Variants in APCDD1L observed in about 807,000 individuals in gnomAD.
APCDD1L encodes APC down-regulated 1 like.
Under a neutral mutation model 24.2 loss-of-function variants are expected in APCDD1L, and 21 were observed. The observed-to-expected ratio is 0.87, with a 90% CI of 0.61 to 1.25. APCDD1L has a LOEUF of 1.25. APCDD1L is among the 50% of genes most tolerant of loss of function. The probability of loss-of-function intolerance (pLI) is 0.00; values close to 1 mark genes in which losing one functional copy is unlikely to be tolerated. For missense variants in APCDD1L, 704 were observed against 711.7 expected, an observed-to-expected ratio of 0.99 and a Z score of 0.12; for synonymous variants, 321 against 323.6, an observed-to-expected ratio of 0.99 and a Z score of 0.09.
chr20:58,470,575 AG>A, intron 2 of APCDD1L, 33 bp downstream of exon 2: 5 of 1,562,750 alleles, frequency 3.2e-6, no homozygotes, highest in African/African-American at 1.3e-5. Context: ...CTCCCAGTCC[AG>A]GGGTCCATGG....
chr20:58,467,515 C>G lies in APCDD1L; in HGVS notation c.332G>C (p.Arg111Pro), dbSNP rs138109833. ...AHSLLVKGKV[R>P]LRRASWVTRG... ...GGTGACCCAGGAGGCCCGGCGCAGG[C>G]GGACTTTGCCCTTGACGAGCAGCGA... is the stretch of plus-strand genomic sequence containing the variant. The change falls in exon 3 of 4, where the codon CGC becomes CCC. Residue 111 changes from arginine to proline, a missense_variant. Physicochemically the swap from Arg to Pro is moderately radical, Grantham distance 103 (BLOSUM62 -2). Coordinates refer to ENST00000371149, the MANE Select transcript of APCDD1L (RefSeq NM_153360.3). The surrounding 1 kb of genome is among the most constrained non-coding windows in gnomAD (Gnocchi z 5.9). 2.4e-5 allele frequency: 39 copies of G among 1,599,006 alleles called. No individual in the cohort carries two copies. The highest frequency in any genetic ancestry group is 3.2e-5 in the Non-Finnish European group (38 of 1,172,812).
chr20:58,480,234 G>A (rs140004548), intron 1 of APCDD1L, among the ~76,000 whole-genome samples: 286 of 152,246 alleles, frequency 1.9e-3, no homozygotes, highest in African/African-American at 6.6e-3. Flanking sequence ...TCCACCCGCC[G>A]CAGCCTTCAG....
At position 58,467,101 on chromosome 20, in the gene APCDD1L, C is replaced by CAG. The variant is rs1568734895; in HGVS notation, c.741+4_741+5insCT. ...CCTCTCCCACACCCCAACACACACA[C>CAG]TCACCAGTGCGCTCTGCAGCGGGCG... On this transcript the variant is annotated splice_donor_region_variant and intron_variant, in intron 3 of 3. Coordinates refer to ENST00000371149, the MANE Select transcript of APCDD1L (RefSeq NM_153360.3). This position sits in a 1 kb window ranked among gnomAD's most constrained non-coding sequence, Gnocchi z 5.9. 1 of 1,597,434 alleles carries CAG rather than the reference C, an allele frequency of 6.3e-7. No homozygotes were observed. Among genetic ancestry groups the CAG allele is most frequent in the East Asian group, 2.3e-5 (1 of 43,510 alleles).
chr20:58,513,154 C>T (rs573192840), intron 1 of APCDD1L, among the ~76,000 whole-genome samples: 9 of 152,302 alleles, frequency 5.9e-5, no homozygotes, highest in South Asian at 2.1e-4. Context: ...CTGGGTGCAA[C>T]GGCCTGGAGG....
intron 1 of APCDD1L, among the ~76,000 whole-genome samples, chr20:58,495,318 G>C (rs1990300669): frequency 6.6e-6 from 1 of 152,250 alleles, no homozygotes. Flanking sequence ...GTTAAGGCCA[G>C]TGTGGGGCCC....
At chr20:58,480,523 G>T (rs1037758156) in intron 1 of APCDD1L, among the ~76,000 whole-genome samples, 8 of 152,310 alleles carry the variant, frequency 5.3e-5, no homozygotes, top group Middle Eastern at 3.4e-3. Flanking sequence ...TGGAGAAGGT[G>T]ACTGCTTCAT....
intron 1 of APCDD1L, among the ~76,000 whole-genome samples, chr20:58,509,032 A>C (rs549436231): frequency 2.0e-5 from 3 of 151,752 alleles, no homozygotes; most frequent in Non-Finnish European, 4.4e-5. Context: ...TCAACGAGTC[A>C]ATTTTAGCCT....
chr20:58,477,588 T>C (rs747877573), intron 1 of APCDD1L, among the ~76,000 whole-genome samples: 11 of 152,238 alleles, frequency 7.2e-5, no homozygotes, highest in Non-Finnish European at 1.5e-4. Context: ...TTCTCCACTA[T>C]TAAATTACTA....
intron 1 of APCDD1L, among the ~76,000 whole-genome samples, chr20:58,477,971 TC>T (rs1989944058): frequency 6.6e-6 from 1 of 152,218 alleles, no homozygotes; most frequent in African/African-American, 2.4e-5. Context: ...CTGTCCCTTC[TC>T]TCCCATTTAT....
In APCDD1L at chr20:58,501,165, C is replaced by G. The variant is rs530801302; in HGVS notation, c.49+13494G>C. Among the ~76,000 whole-genome samples, 275 of 152,268 alleles carry G rather than the reference C, an allele frequency of 1.8e-3. 2 individuals are homozygous for G. Among genetic ancestry groups the G allele is most frequent in the Admixed American group, 5.4e-3 (82 of 15,286 alleles). On this transcript the variant is annotated intron_variant, in intron 1 of 3. Coordinates refer to ENST00000371149, the MANE Select transcript of APCDD1L (RefSeq NM_153360.3). ...ATTCCCTTGAATGATTATGATGGAC[C>G]AGATAGTCTACAGTGTCTACCTTTA...
In APCDD1L at chr20:58,467,421, C is replaced by T. The variant is rs1237533231; in HGVS notation, c.426G>A (p.Leu142=). The stretch of plus-strand genomic sequence containing the variant: ...GGTTGAGGCGCCCGGTGACGTCGAC[C>T]AGGGCCCGGCGGCTGTGGAAGACGA... The part of the protein sequence containing the change: ...VGIVFHSRRA[L]VDVTGRLNQT... Residue 142 remains leucine (L), a synonymous_variant, in exon 3 of 4, where the codon CTG becomes CTA. Coordinates refer to ENST00000371149, the MANE Select transcript of APCDD1L (RefSeq NM_153360.3). This position sits in a 1 kb window ranked among gnomAD's most constrained non-coding sequence, Gnocchi z 5.9. 3 of 1,559,064 alleles carry T rather than the reference C, an allele frequency of 1.9e-6. No homozygotes were observed. Among genetic ancestry groups the T allele is most frequent in the Non-Finnish European group, 2.6e-6 (3 of 1,154,990 alleles).
At chr20:58,509,019 G>GTGT (rs1568755369) in intron 1 of APCDD1L, among the ~76,000 whole-genome samples, 1 of 129,598 alleles carries the variant, frequency 7.7e-6, no homozygotes, top group Non-Finnish European at 1.7e-5. Flanking sequence ...TGTGTGTGTG[G>GTGT]AGTCAACGAG....
intron 1 of APCDD1L, among the ~76,000 whole-genome samples, chr20:58,478,338 T>C (rs1428108969): frequency 6.6e-6 from 1 of 151,838 alleles, no homozygotes; most frequent in Non-Finnish European, 1.5e-5. Flanking sequence ...GCTGTCACTT[T>C]AGGCTTCTTA....
chr20:58,508,993 C>CGTGT lies in APCDD1L; in HGVS notation c.49+5662_49+5665dup, dbSNP rs149764499. 0.13 allele frequency among the ~76,000 whole-genome samples: 19,323 copies of CGTGT among 149,292 alleles called. 1,491 individuals are homozygous for CGTGT. The highest frequency in any genetic ancestry group is 0.22 in the African/African-American group (9,096 of 40,734). On this transcript the variant is annotated intron_variant, in intron 1 of 3. Coordinates refer to ENST00000371149, the MANE Select transcript of APCDD1L (RefSeq NM_153360.3). This position sits in a 1 kb window ranked among gnomAD's most constrained non-coding sequence, Gnocchi z 4.0. ...GCGCACGTGTGTGTGCATGTGCATGCGTGTGTGTGTGTGTGTGTGTGTGTG... is the reference window on the plus strand; with the variant it reads ...GCGCACGTGTGTGTGCATGTGCATGCGTGTGTGTGTGTGTGTGTGTGTGTGTGTG...
At chr20:58,478,721 C>T (rs571682539) in intron 1 of APCDD1L, among the ~76,000 whole-genome samples, 22 of 152,128 alleles carry the variant, frequency 1.4e-4, no homozygotes, top group African/African-American at 5.3e-4. Flanking sequence ...TGACCCTTCT[C>T]CCACCCCTCA....
At chr20:58,473,235 G>C (rs990475134) in intron 1 of APCDD1L, among the ~76,000 whole-genome samples, 1 of 152,220 alleles carries the variant, frequency 6.6e-6, no homozygotes, top group East Asian at 1.9e-4. Flanking sequence ...AGAAAACAAG[G>C]CTTTTTTTTT....
At chr20:58,492,356 C>A (rs76319927) in intron 1 of APCDD1L, among the ~76,000 whole-genome samples, 3,313 of 152,070 alleles carry the variant, frequency 0.022, 50 homozygotes, top group Non-Finnish European at 0.034. Context: ...ATAAATCATA[C>A]CAGAGAAAAA....
rs147052922 is a variant in APCDD1L, at chr20:58,460,884, G to A, written c.1412C>T (p.Ser471Leu). 3,947 of 1,599,676 alleles carry A rather than the reference G, an allele frequency of 2.5e-3. 30 individuals carry two copies. Among genetic ancestry groups the A allele is most frequent in the Non-Finnish European group, 1.8e-3 (2,099 of 1,171,022 alleles). Reference protein sequence around the residue: ...DFSRPPQHRPSLQKHPSTGGL... With the variant: ...DFSRPPQHRPLLQKHPSTGGL... ...CCCTGTGCTGGGGTGCTTCTGCAGC[G>A]ATGGCCTGTGCTGCGGTGGCCTGGA... Residue 471 changes from serine (S) to leucine (L), a missense_variant, in exon 4 of 4, where the codon TCG (serine) becomes TTG (leucine). By Grantham distance (145) the Ser-to-Leu change is moderately radical. Transcript: ENST00000371149. This position sits in a 1 kb window ranked among gnomAD's most constrained non-coding sequence, Gnocchi z 4.2.
intron 1 of APCDD1L, among the ~76,000 whole-genome samples, chr20:58,487,834 A>G (rs1175091156): frequency 6.6e-6 from 1 of 152,246 alleles, no homozygotes; most frequent in East Asian, 1.9e-4. Flanking sequence ...CATCGTTATA[A>G]TGGCATAGTT....
Sources: gnomAD v4.1 joint callset for allele counts (sites outside exome capture counted in the v4.1 genomes callset) on GRCh38, gnomAD v4.1.1 for gene constraint, Gnocchi (gnomAD v3.1) non-coding constraint, MANE v1.5 for transcripts, NCBI Gene and HGNC (gene_info 2026-07-23, HGNC 2026-07-21) for gene names.